The following ZSCAN5A variants were observed in gnomAD, a reference collection of about 807,000 sequenced individuals.
ZSCAN5A encodes the protein zinc finger and SCAN domain containing 5A, also known as zinc finger and SCAN domain-containing protein 5A.
A neutral mutation model predicts 23.7 loss-of-function variants in ZSCAN5A; 12 were observed. The observed-to-expected ratio is 0.51, with a 90% confidence interval of 0.32 to 0.82. ZSCAN5A has a LOEUF of 0.82. ZSCAN5A is among the 40% of genes least tolerant of loss of function. The pLI is 0.03. For missense variants in ZSCAN5A, 597 were observed against 617.9 expected (o/e 0.97, Z 0.36); for synonymous variants, 257 against 239.9 (o/e 1.07, Z -0.66).
At chr19:56,246,784 G>A (rs748093291) in intron 2 of ZSCAN5A, 27 of 1,606,568 alleles carry the variant, frequency 1.7e-5, no homozygotes, top group Middle Eastern at 3.3e-4. Context: ...AGCCTCTGTC[G>A]AAAATGTGGA....
intron 2 of ZSCAN5A, among the ~76,000 whole-genome samples, chr19:56,359,137 G>A (rs1237478764): frequency 6.6e-6 from 1 of 151,374 alleles, no homozygotes; most frequent in Non-Finnish European, 1.5e-5. Flanking sequence ...AAATCCAGGA[G>A]CTGGTTCTTT....
chr19:56,261,466 A>C (rs984587312), intron 2 of ZSCAN5A, among the ~76,000 whole-genome samples: 6 of 152,154 alleles, frequency 3.9e-5, no homozygotes, highest in Admixed American at 3.9e-4. Context: ...CATGGCCCCC[A>C]CTGGTGAATG....
intron 2 of ZSCAN5A, among the ~76,000 whole-genome samples, chr19:56,298,646 C>T (rs572549160): frequency 1.0e-5 from 1 of 98,706 alleles, no homozygotes; most frequent in African/African-American, 5.6e-5. Flanking sequence ...AGCAAGACTC[C>T]ATCTCAAAAA....
At chr19:56,237,680 G>A (rs559662037) in intron 2 of ZSCAN5A, among the ~76,000 whole-genome samples, 1 of 152,208 alleles carries the variant, frequency 6.6e-6, no homozygotes, top group South Asian at 2.1e-4. Context: ...ATTAATTTGG[G>A]AAGCTGAGAC....
At chr19:56,333,366 TTTTG>T (rs1315566130) in intron 2 of ZSCAN5A, among the ~76,000 whole-genome samples, 5 of 152,142 alleles carry the variant, frequency 3.3e-5, no homozygotes, top group South Asian at 2.1e-4. Context: ...TAATTCTTTT[TTTTG>T]TTTGAGTTTC....
intron 2 of ZSCAN5A, chr19:56,263,558 T>C (rs2037263655): frequency 6.6e-6 from 1 of 152,128 alleles, no homozygotes; most frequent in Admixed American, 6.6e-5. Flanking sequence ...ATGTTCTGAG[T>C]GCCTTAACCC....
intron 2 of ZSCAN5A, chr19:56,266,839 A>T (rs1471263098): frequency 6.6e-6 from 1 of 152,182 alleles, no homozygotes; most frequent in Non-Finnish European, 1.5e-5. Flanking sequence ...GAAAGCAGAC[A>T]AAGAGGAATG....
At chr19:56,293,492 T>C (rs1334500905) in intron 2 of ZSCAN5A, among the ~76,000 whole-genome samples, 1 of 152,220 alleles carries the variant, frequency 6.6e-6, no homozygotes, top group African/African-American at 2.4e-5. Flanking sequence ...AAAATTATGC[T>C]AAGAAAGGGA....
At chr19:56,232,108 C>A (rs571568763) in intron 2 of ZSCAN5A, among the ~76,000 whole-genome samples, 4 of 151,068 alleles carry the variant, frequency 2.6e-5, no homozygotes, top group Admixed American at 1.3e-4. Flanking sequence ...CTACCTCAGC[C>A]CCCCCAGGTG....
intron 2 of ZSCAN5A, among the ~76,000 whole-genome samples, chr19:56,261,835 T>C (rs1568662971): frequency 6.6e-6 from 1 of 152,226 alleles, no homozygotes; most frequent in Admixed American, 6.5e-5. Context: ...TTTTTGTTTG[T>C]TTATTGAGGT....
At chr19:56,273,577 G>A (rs1428417422) in intron 2 of ZSCAN5A, among the ~76,000 whole-genome samples, 1 of 152,168 alleles carries the variant, frequency 6.6e-6, no homozygotes, top group Non-Finnish European at 1.5e-5. Context: ...ATAGGAGCTG[G>A]CCAGCTGAAG....
At chr19:56,299,076 CA>C (rs2040063515) in intron 2 of ZSCAN5A, among the ~76,000 whole-genome samples, 1 of 152,056 alleles carries the variant, frequency 6.6e-6, no homozygotes, top group Non-Finnish European at 1.5e-5. Context: ...TAAAAGAAAA[CA>C]AGCACATTAT....
At chr19:56,249,963 C>A (rs565666796) in intron 2 of ZSCAN5A, among the ~76,000 whole-genome samples, 1 of 152,278 alleles carries the variant, frequency 6.6e-6, no homozygotes, top group South Asian at 2.1e-4. Flanking sequence ...GACCAGAGAT[C>A]CTCAGAACTC....
rs113428998 is a variant in ZSCAN5A at position 56,359,663 on chromosome 19, G to A, written c.-358+3572C>T. 6.4e-3 allele frequency among the ~76,000 whole-genome samples: 978 copies of A among 152,146 alleles called. 9 individuals carry two copies. Among genetic ancestry groups the A allele is most frequent in the African/African-American group, 0.022 (902 of 41,500 alleles). On this transcript the variant is annotated intron_variant, in intron 2 of 6. Transcript: ENST00000587340. ...CTTGCCAATACCCCTGATGAACATC[G>A]ATGTCAAAATCCTCAATAAAATACT...
rs202145068 is a variant in ZSCAN5A at position 56,221,677 on chromosome 19, G to A, written c.1389C>T (p.Ser463=). The A allele has an allele frequency of 5.3e-5, 85 of 1,614,164 alleles. No individual in the cohort carries two copies. The highest frequency in any genetic ancestry group is 4.9e-4 in the Middle Eastern group (3 of 6,062). Residue 463 remains serine, a synonymous_variant, in exon 6 of 6, where the codon TCC becomes TCT. Coordinates refer to ENST00000683990, the MANE Select transcript of ZSCAN5A (RefSeq NM_001322064.3). ...TGGAACATTTGTAGGGTTTCTCTCC[G>A]GAGTGGATGCGCTGGTGCTCCTTCA... ...GSLKEHQRIH[S]GEKPYKCSKC...
chr19:56,331,352 G>A (rs2041486658), intron 2 of ZSCAN5A, among the ~76,000 whole-genome samples: 1 of 152,048 alleles, frequency 6.6e-6, no homozygotes, highest in South Asian at 2.1e-4. Context: ...TTAGTAGCTT[G>A]ATAGGATTGG....
chr19:56,281,894 G>A (rs1381272797), intron 2 of ZSCAN5A, among the ~76,000 whole-genome samples: 1 of 152,190 alleles, frequency 6.6e-6, no homozygotes, highest in Non-Finnish European at 1.5e-5. Flanking sequence ...GCAACTGGAT[G>A]GACTTTGAGG....
intron 2 of ZSCAN5A, among the ~76,000 whole-genome samples, chr19:56,264,386 AC>A (rs1298986288): frequency 6.6e-6 from 1 of 152,170 alleles, no homozygotes; most frequent in Non-Finnish European, 1.5e-5. Flanking sequence ...TGCTCATTCC[AC>A]TACAGAAAAT....
At chr19:56,246,153 T>C (rs1203647758) in intron 2 of ZSCAN5A, among the ~76,000 whole-genome samples, 3 of 152,038 alleles carry the variant, frequency 2.0e-5, no homozygotes, top group Admixed American at 6.6e-5. Flanking sequence ...AATGAGGTGG[T>C]GATGTTTATT....
Sources: allele counts gnomAD v4.1 joint callset (sites outside exome capture counted in the v4.1 genomes callset), GRCh38; gene constraint gnomAD v4.1.1; transcripts MANE v1.5; gene names NCBI Gene and HGNC (gene_info 2026-07-23, HGNC 2026-07-21).